The following PSEN1 variants were observed in gnomAD, a reference collection of about 807,000 sequenced individuals.
PSEN1 encodes the protein presenilin 1, also known as presenilin-1.
PSEN1 carries 15 observed loss-of-function variants against 53.5 expected under a neutral mutation model. The observed-to-expected ratio is 0.28, with a 90% CI of 0.19 to 0.43. The LOEUF (loss-of-function observed/expected upper bound fraction) is 0.43, where lower values mean the gene tolerates loss of function less well. Among genes scored for constraint, PSEN1 ranks in the 20% least tolerant of loss-of-function variants. The probability of loss-of-function intolerance (pLI) is 1.00; values close to 1 mark genes in which losing one functional copy is unlikely to be tolerated. For missense variants in PSEN1, 387 were observed against 571.2 expected, an observed-to-expected ratio of 0.68 and a Z score of 3.29; for synonymous variants, 208 against 209.8, an observed-to-expected ratio of 0.99 and a Z score of 0.08.
chr14:73,216,199 A>G (rs1899906334), intron 10 of PSEN1, among the ~76,000 whole-genome samples: 3 of 152,214 alleles, frequency 2.0e-5, no homozygotes, highest in South Asian at 4.1e-4. Context: ...CATGTATTGT[A>G]TGAGTCATAT....
intron 1 of PSEN1, among the ~76,000 whole-genome samples, chr14:73,139,895 G>A (rs1350658359): frequency 6.6e-6 from 1 of 152,192 alleles, no homozygotes; most frequent in Non-Finnish European, 1.5e-5. Context: ...ACAACGCCTT[G>A]TACGGTTTCT....
intron 1 of PSEN1, among the ~76,000 whole-genome samples, chr14:73,145,084 G>C (rs959099437): frequency 1.3e-5 from 2 of 152,158 alleles, no homozygotes; most frequent in Admixed American, 6.6e-5. Context: ...GTATGGACAG[G>C]GCTTCACCAT....
intron 6 of PSEN1, 127 bp from the exon 7 acceptor site, chr14:73,192,517 T>G (rs879536380): frequency 2.8e-6 from 2 of 723,552 alleles, no homozygotes; most frequent in Non-Finnish European, 2.5e-6. Context: ...ACAGTTGATA[T>G]AGGTTATGGT....
intron 9 of PSEN1, among the ~76,000 whole-genome samples, chr14:73,209,606 G>A (rs567118665): frequency 8.5e-4 from 130 of 152,316 alleles, no homozygotes; most frequent in African/African-American, 2.9e-3. Context: ...TGGAGAGATA[G>A]ATGGTCAACA....
chr14:73,218,083 T>TGGCTTG (rs1899992577), intron 11 of PSEN1, among the ~76,000 whole-genome samples: 1 of 139,534 alleles, frequency 7.2e-6, no homozygotes, highest in African/African-American at 2.8e-5. Flanking sequence ...CCACCGCACC[T>TGGCTTG]GGCTTTTTTT....
chr14:73,186,711 A>T, intron 5 of PSEN1, 142 bp from the exon 6 acceptor site: 1 of 744,228 alleles, frequency 1.3e-6, no homozygotes, highest in Middle Eastern at 3.7e-4. Flanking sequence ...CAGGAGGCAG[A>T]GGTTGTGGTG....
At chr14:73,208,046 G>A (rs1294254449) in intron 9 of PSEN1, among the ~76,000 whole-genome samples, 1 of 145,638 alleles carries the variant, frequency 6.9e-6, no homozygotes, top group East Asian at 1.9e-4. Flanking sequence ...GTGTTAACCT[G>A]GGGAACACAG....
At chr14:73,208,571 C>T (rs1899548262) in intron 9 of PSEN1, among the ~76,000 whole-genome samples, 1 of 152,156 alleles carries the variant, frequency 6.6e-6, no homozygotes, top group Non-Finnish European at 1.5e-5. Flanking sequence ...GAGAGGAGAC[C>T]CGGAGTGGGT....
intron 1 of PSEN1, among the ~76,000 whole-genome samples, chr14:73,144,186 G>C (rs558115853): frequency 6.6e-6 from 1 of 151,802 alleles, no homozygotes; most frequent in East Asian, 2.0e-4. Context: ...GACTACAGGT[G>C]CACGTCACCA....
chr14:73,149,461 C>T (rs1190495442), intron 3 of PSEN1, among the ~76,000 whole-genome samples: 4 of 152,248 alleles, frequency 2.6e-5, no homozygotes, highest in Non-Finnish European at 4.4e-5. Context: ...CCGTGAATTC[C>T]GCAGTTGAAC....
intron 7 of PSEN1, among the ~76,000 whole-genome samples, chr14:73,193,346 G>A (rs1333755399): frequency 1.3e-5 from 2 of 151,674 alleles, no homozygotes; most frequent in African/African-American, 2.4e-5. Context: ...TTGAGGTTTT[G>A]ACAAGCTGGC....
intron 1 of PSEN1, chr14:73,139,286 T>A (rs983297243): frequency 5.0e-5 from 7 of 141,276 alleles, no homozygotes; most frequent in Admixed American, 3.6e-4. Flanking sequence ...TCGTTTTTTT[T>A]TTAAAAAAAG....
At chr14:73,171,748 T>C (rs1366641832) in intron 4 of PSEN1, among the ~76,000 whole-genome samples, 1 of 152,222 alleles carries the variant, frequency 6.6e-6, no homozygotes, top group African/African-American at 2.4e-5. Context: ...GTGGAGCAGG[T>C]AATGGAAAAA....
At chr14:73,146,604 T>C (rs940179216) in intron 1 of PSEN1, among the ~76,000 whole-genome samples, 17 of 152,230 alleles carry the variant, frequency 1.1e-4, no homozygotes, top group African/African-American at 3.9e-4. Flanking sequence ...TGTAATGATT[T>C]GAATGATACA....
At chr14:73,197,789 A>G in intron 7 of PSEN1, 1 of 513,902 alleles carries the variant, frequency 1.9e-6, no homozygotes, top group Non-Finnish European at 3.5e-6. Context: ...ACACTAAGCA[A>G]ATAGCAGTCA....
chr14:73,151,568 A>C (rs953003841), intron 3 of PSEN1, among the ~76,000 whole-genome samples: 1 of 152,064 alleles, frequency 6.6e-6, no homozygotes, highest in Non-Finnish European at 1.5e-5. Context: ...TTAAAAAGCT[A>C]TTTTGAAAAA....
At chr14:73,162,002 A>G in intron 3 of PSEN1, among the ~76,000 whole-genome samples, 1 of 150,546 alleles carries the variant, frequency 6.6e-6, no homozygotes, top group South Asian at 2.1e-4. Context: ...TAAAAAAAAA[A>G]AAAAAAAAAA....
At chr14:73,185,281 C>T (rs1349195906) in intron 5 of PSEN1, among the ~76,000 whole-genome samples, 1 of 152,168 alleles carries the variant, frequency 6.6e-6, no homozygotes, top group Non-Finnish European at 1.5e-5. Flanking sequence ...TTGTAGCGAG[C>T]CGAGATCACG....
At chr14:73,197,478 TCTTA>T (rs1478339691) in intron 7 of PSEN1, among the ~76,000 whole-genome samples, 2 of 152,242 alleles carry the variant, frequency 1.3e-5, no homozygotes, top group Admixed American at 6.5e-5. Context: ...TTTACTGCCC[TCTTA>T]CTTCAAGTAC....
Sources: allele counts gnomAD v4.1 joint callset (sites outside exome capture counted in the v4.1 genomes callset), GRCh38; gene constraint gnomAD v4.1.1; transcripts MANE v1.5; gene names NCBI Gene and HGNC (gene_info 2026-07-23, HGNC 2026-07-21).